Variants in GJB2 observed in about 807,000 individuals in gnomAD.
The protein encoded by GJB2 is gap junction beta-2 protein.
GJB2 carries 30 observed loss-of-function variants against 16.0 expected under a neutral mutation model. The ratio of observed to expected loss-of-function variants is 1.88; its 90% CI spans 1.41 to 2.55. The LOEUF (loss-of-function observed/expected upper bound fraction) is 2.55. Ranked by LOEUF, GJB2 falls within the 30% of genes most tolerant of loss-of-function variation. The probability of loss-of-function intolerance (pLI) is 0.00; values close to 1 mark genes in which losing one functional copy is unlikely to be tolerated. For synonymous variants in GJB2, 123 were observed against 119.1 expected (o/e 1.03, Z -0.21); for missense variants, 284 against 289.7 (o/e 0.98, Z 0.14).
chr13:20,188,986 G>GA lies in GJB2; in HGVS notation c.595dup (p.Ser199PhefsTer11), dbSNP rs1443108539. ...GACATTCAGCAGGATGCAAATTCCAGACACTGCAATCATGAACACTGTGAA... is the reference window on the plus strand; with the variant it reads ...GACATTCAGCAGGATGCAAATTCCAGAACACTGCAATCATGAACACTGTGAA... On this transcript the variant is annotated frameshift_variant, in exon 2 of 2. Coordinates refer to ENST00000382848, the MANE Select transcript of GJB2 (RefSeq NM_004004.6). LOFTEE classifies it high-confidence loss of function. 2.5e-6 allele frequency: 4 copies of GA among 1,613,984 alleles called. No homozygotes were observed. In the Admixed American group the frequency reaches 6.7e-5, roughly 27 times the overall value.
rs1309608464 is a variant in GJB2 at position 20,188,873 on chromosome 13, T to C, written c.*28A>G. On this transcript the variant is annotated 3_prime_UTR_variant, in exon 2 of 2. Transcript: ENST00000382848. ...TGCCTCATCCCTCTCATGCTGTCTATTTCTTAATCTAACAACTGGGCAATG... is the reference window on the plus strand; with the variant it reads ...TGCCTCATCCCTCTCATGCTGTCTACTTCTTAATCTAACAACTGGGCAATG... 1.6e-5 allele frequency: 25 copies of C among 1,577,884 alleles called. No individual in the cohort carries two copies. The highest frequency in any genetic ancestry group is 2.1e-5 in the Non-Finnish European group (24 of 1,147,952).
chr13:20,188,232 A>G lies in GJB2; in HGVS notation c.*669T>C, dbSNP rs1446118122. 6.6e-6 allele frequency: 1 copy of G among 152,476 alleles called. No homozygotes were observed. Among genetic ancestry groups the G allele is most frequent in the Non-Finnish European group, 1.5e-5 (1 of 68,242 alleles). 9.4% of individuals were successfully genotyped at this position (152,476 alleles called of 1,614,324 possible). ...GCTGTGCTGCAAAGTATTCATAACC[A>G]AAAGACCATATTTCAAATTAAATCA... On this transcript the variant is annotated 3_prime_UTR_variant, in exon 2 of 2. Coordinates refer to ENST00000382848, the MANE Select transcript of GJB2 (RefSeq NM_004004.6).
intron 1 of GJB2, 180 bp from the exon 2 acceptor site, chr13:20,189,783 A>G: frequency 1.5e-6 from 1 of 646,458 alleles, no homozygotes; most frequent in Non-Finnish European, 2.8e-6. Context: ...GATTAAATGT[A>G]TAGTTCCCAA....
rs1566528513 is a variant in GJB2 at position 20,189,221 on chromosome 13, T to C, written c.361A>G (p.Ile121Val). Residue 121 changes from isoleucine (I) to valine (V), a missense_variant, in exon 2 of 2, where the codon ATC (isoleucine) becomes GTC (valine). By Grantham distance (29) the Ile-to-Val change is conservative. Coordinates refer to ENST00000382848, the MANE Select transcript of GJB2 (RefSeq NM_004004.6). The stretch of plus-strand genomic sequence containing the variant: ...TCGATGCGGACCTTCTGGGTTTTGA[T>C]CTCCTCGATGTCCTTAAATTCACTC... ...IKSEFKDIEE[I>V]KTQKVRIEGS... is the part of the protein sequence containing the mutation. 6.2e-7 allele frequency: 1 copy of C among 1,613,756 alleles called. No homozygotes were observed. Among genetic ancestry groups the C allele is most frequent in the Middle Eastern group, 1.6e-4 (1 of 6,062 alleles).
rs371517351 is a variant in GJB2 at position 20,188,608 on chromosome 13, A to C, written c.*293T>G. The C allele has an allele frequency of 6.1e-5, 25 of 407,018 alleles. No individual in the cohort carries two copies. Among genetic ancestry groups the C allele is most frequent in the African/African-American group, 4.8e-4 (24 of 49,796 alleles). The allele number at this position is 407,018 out of a possible 1,614,324, so 25.2% of individuals were successfully genotyped here. On this transcript the variant is annotated 3_prime_UTR_variant, in exon 2 of 2. Transcript: ENST00000382848. ...CCGATATCCTCTGTTTAAAATATGA[A>C]AGTACCTTACACCAATAACCCCTAA...
rs1959060799 is a variant in GJB2 at position 20,189,354 on chromosome 13, T to C, written c.228A>G (p.Leu76=). 1.9e-6 allele frequency: 3 copies of C among 1,614,036 alleles called. No homozygotes were observed. The highest frequency in any genetic ancestry group is 2.7e-5 in the African/African-American group (2 of 74,930). The change falls in exon 2 of 2, where the codon CTA becomes CTG. Residue 76 remains leucine, a synonymous_variant. Transcript: ENST00000382848. The stretch of plus-strand genomic sequence containing the variant: ...ACACGAAGATCAGCTGCAGGGCCCA[T>C]AGCCGGATGTGGGAGATGGGGAAGT... The part of the protein sequence containing the change: ...DHYFPISHIR[L]WALQLIFVST...
intron 1 of GJB2, among the ~76,000 whole-genome samples, chr13:20,191,412 A>G (rs973837080): frequency 6.6e-6 from 1 of 152,186 alleles, no homozygotes; most frequent in African/African-American, 2.4e-5. Context: ...ACACCCTTCT[A>G]CAGACCTGTC....
intron 1 of GJB2, 193 bp from the exon 2 acceptor site, chr13:20,189,796 C>A: frequency 1.6e-6 from 1 of 619,432 alleles, no homozygotes; most frequent in Non-Finnish European, 3.0e-6. Flanking sequence ...GTTCCCAAAC[C>A]CTCTTGAACG....
rs80338942 is a variant in GJB2, at chr13:20,189,414, CA to C, written c.167del (p.Leu56ArgfsTer26). The C allele has an allele frequency of 5.1e-4, 824 of 1,612,308 alleles. 3 individuals carry two copies. The highest frequency in any genetic ancestry group is 5.0e-4 in the Admixed American group (30 of 59,968). Reference protein sequence around the residue: ...DEQADFVCNTLQPGCKNVCYD... With the variant: ...DEQADFVCNTXQPGCKNVCYD... Reference sequence around the variant, plus strand: ...AGCACACGTTCTTGCAGCCTGGCTGCAGGGTGTTGCAGACAAAGTCGGCCTG... The same window carrying C: ...AGCACACGTTCTTGCAGCCTGGCTGCGGGTGTTGCAGACAAAGTCGGCCTG... On this transcript the variant is annotated frameshift_variant, in exon 2 of 2. Coordinates refer to ENST00000382848, the MANE Select transcript of GJB2 (RefSeq NM_004004.6). LOFTEE classifies it high-confidence loss of function.
chr13:20,191,692 T>C (rs4769974), intron 1 of GJB2, among the ~76,000 whole-genome samples: 137,452 of 152,252 alleles, frequency 0.9, 62,768 homozygotes, highest in East Asian at 1. Context: ...GCCCACGCCA[T>C]CCTGCACCGC....
Position 20,189,209 on chromosome 13 carries a change from T to G in GJB2, c.373A>C (p.Lys125Gln), listed in dbSNP as rs1287797702. The G allele has an allele frequency of 1.2e-6, 2 of 1,613,810 alleles. No individual in the cohort carries two copies. The highest frequency in any genetic ancestry group is 2.2e-5 in the South Asian group (2 of 91,084). Residue 125 changes from lysine (K) to glutamine (Q), a missense_variant, in exon 2 of 2, where the codon AAG becomes CAG. Physicochemically the swap from Lys to Gln is moderately conservative, Grantham distance 53. Transcript: ENST00000382848. ...FKDIEEIKTQKVRIEGSLWWT... is the reference protein window; with the variant it reads ...FKDIEEIKTQQVRIEGSLWWT... ...CACAGGGAGCCTTCGATGCGGACCT[T>G]CTGGGTTTTGATCTCCTCGATGTCC...
At position 20,188,820 on chromosome 13, in the gene GJB2, G is replaced by A. The variant is rs557786153; in HGVS notation, c.*81C>T. 2.3e-5 allele frequency: 26 copies of A among 1,113,202 alleles called. No homozygotes were observed. In the East Asian group the frequency reaches 2.4e-4, roughly 10 times the overall value. 69.0% of individuals were successfully genotyped at this position (1,113,202 alleles called of 1,614,324 possible). ...AATCTTTGTGTTGGGAAATGCTAGCGACTGAGCCTTGACAGCTGAGCACGG... is the reference window on the plus strand; with the variant it reads ...AATCTTTGTGTTGGGAAATGCTAGCAACTGAGCCTTGACAGCTGAGCACGG... On this transcript the variant is annotated 3_prime_UTR_variant, in exon 2 of 2. Transcript: ENST00000382848.
chr13:20,191,506 T>C (rs1367393211), intron 1 of GJB2, among the ~76,000 whole-genome samples: 1 of 152,232 alleles, frequency 6.6e-6, no homozygotes, highest in Non-Finnish European at 1.5e-5. Flanking sequence ...CTACCTGTTT[T>C]AAAGATCCTT....
chr13:20,191,025 G>A (rs1355618977), intron 1 of GJB2, among the ~76,000 whole-genome samples: 3 of 152,166 alleles, frequency 2.0e-5, no homozygotes, highest in African/African-American at 4.8e-5. Flanking sequence ...ACATAGGCCT[G>A]TGAAACATTT....
Position 20,188,205 on chromosome 13 carries a change from C to T in GJB2, c.*696G>A, listed in dbSNP as rs1959050373. 1 of 152,290 alleles carries T rather than the reference C, an allele frequency of 6.6e-6. No homozygotes were observed. The highest frequency in any genetic ancestry group is 2.1e-4 in the South Asian group (1 of 4,836). 9.4% of individuals were successfully genotyped at this position (152,290 alleles called of 1,614,324 possible). On this transcript the variant is annotated 3_prime_UTR_variant, in exon 2 of 2. Coordinates refer to ENST00000382848, the MANE Select transcript of GJB2 (RefSeq NM_004004.6). ...ACAATGAATACAACAGACAGCCTCT[C>T]AGCTGTGCTGCAAAGTATTCATAAC...
Position 20,189,170 on chromosome 13 carries a change from T to C in GJB2, c.412A>G (p.Ser138Gly), listed in dbSNP as rs397516876. The C allele has an allele frequency of 1.9e-5, 30 of 1,614,106 alleles. No homozygotes were observed. Among genetic ancestry groups the C allele is most frequent in the Non-Finnish European group, 2.5e-5 (30 of 1,180,048 alleles). ...AAGATGACCCGGAAGAAGATGCTGC[T>C]TGTGTAGGTCCACCACAGGGAGCCT... is the stretch of plus-strand genomic sequence containing the variant. Reference protein sequence around the residue: ...IEGSLWWTYTSSIFFRVIFEA... With the variant: ...IEGSLWWTYTGSIFFRVIFEA... Residue 138 changes from serine to glycine, a missense_variant, in exon 2 of 2, where the codon AGC (serine) becomes GGC (glycine). Physicochemically the swap from Ser to Gly is moderately conservative, Grantham distance 56 (BLOSUM62 0). Coordinates refer to ENST00000382848, the MANE Select transcript of GJB2 (RefSeq NM_004004.6).
intron 1 of GJB2, among the ~76,000 whole-genome samples, chr13:20,191,807 T>C (rs1408875775): frequency 6.6e-6 from 1 of 152,226 alleles, no homozygotes; most frequent in Non-Finnish European, 1.5e-5. Flanking sequence ...TCTTCACCCC[T>C]TAAATTTCTC....
chr13:20,189,649 A>AG (rs1566529192), intron 1 of GJB2, 46 bp from the exon 2 acceptor site: 1 of 1,386,432 alleles, frequency 7.2e-7, no homozygotes, highest in Admixed American at 1.7e-5. Context: ...TAGCTAGGAC[A>AG]GAACAGGGAG....
intron 1 of GJB2, chr13:20,189,859 C>G: frequency 1.9e-6 from 1 of 520,352 alleles, no homozygotes; most frequent in South Asian, 2.1e-5. Flanking sequence ...AGTAATTCAC[C>G]CAATCTTTAA....
Sources: allele counts gnomAD v4.1 joint callset (sites outside exome capture counted in the v4.1 genomes callset), GRCh38; gene constraint gnomAD v4.1.1; transcripts MANE v1.5; gene names NCBI Gene and HGNC (gene_info 2026-07-23, HGNC 2026-07-21).